Variants in ADAM7 observed in about 807,000 individuals in gnomAD.
ADAM7 encodes ADAM metallopeptidase domain 7.
A neutral mutation model predicts 102.9 loss-of-function variants in ADAM7; 97 were observed. The ratio of observed to expected loss-of-function variants is 0.94; its 90% CI spans 0.80 to 1.12. The LOEUF is 1.12. Among genes scored for constraint, ADAM7 ranks in the 50% most tolerant of loss-of-function variants. The pLI is 0.00. For missense variants in ADAM7, 991 were observed against 908.7 expected (o/e 1.09, Z -1.16); for synonymous variants, 334 against 304.4 (o/e 1.10, Z -1.01).
intron 6 of ADAM7, 83 bp downstream of exon 6, chr8:24,467,071 G>C (rs1031446910): frequency 2.3e-6 from 3 of 1,323,314 alleles, no homozygotes; most frequent in Non-Finnish European, 2.1e-6. Flanking sequence ...TATGAGTCCA[G>C]TTACTGAAAT....
At chr8:24,506,456 A>G (rs1253448847) in intron 20 of ADAM7, among the ~76,000 whole-genome samples, 1 of 152,090 alleles carries the variant, frequency 6.6e-6, no homozygotes, top group Non-Finnish European at 1.5e-5. Flanking sequence ...TTGCAAATTA[A>G]TTTTGATATT....
intron 2 of ADAM7, 48 bp downstream of exon 2, chr8:24,442,624 G>T (rs768282708): frequency 8.4e-6 from 12 of 1,433,330 alleles, no homozygotes; most frequent in Non-Finnish European, 1.2e-5. Context: ...TCACAGGCAT[G>T]TAGACAGTTG....
intron 16 of ADAM7, among the ~76,000 whole-genome samples, chr8:24,497,699 A>T (rs1239458044): frequency 6.6e-6 from 1 of 152,170 alleles, no homozygotes; most frequent in African/African-American, 2.4e-5. Context: ...TGAAGAATGT[A>T]TGAAAAAATT....
chr8:24,500,821 G>C lies in ADAM7; in HGVS notation c.2034G>C (p.Leu678=). The change falls in exon 19 of 22, where the codon CTG becomes CTC. Residue 678 remains leucine, a synonymous_variant. Coordinates refer to ENST00000175238, the MANE Select transcript of ADAM7 (RefSeq NM_003817.4). ...CCATCTTGGTTGTTGTGCTTGTCCT[G>C]GTTATTGTCGGTATCGGAGTTCTTA... is the stretch of plus-strand genomic sequence containing the variant. ...NITILVVVLV[L]VIVGIGVLIL... is the part of the protein sequence containing the mutation. 6.2e-7 allele frequency: 1 copy of C among 1,613,308 alleles called. No individual in the cohort carries two copies. Among genetic ancestry groups the C allele is most frequent in the Non-Finnish European group, 8.5e-7 (1 of 1,179,488 alleles).
intron 16 of ADAM7, among the ~76,000 whole-genome samples, chr8:24,495,658 T>C (rs558384951): frequency 1.1e-4 from 16 of 152,218 alleles, no homozygotes; most frequent in Admixed American, 2.6e-4. Flanking sequence ...ACTCTTGTTA[T>C]GTTTTAGCAA....
In ADAM7 at chr8:24,489,158, G is replaced by A. The variant is rs555837272; in HGVS notation, c.1092-1G>A. The A allele has an allele frequency of 1.2e-6, 2 of 1,606,616 alleles. No individual in the cohort carries two copies. Among genetic ancestry groups the A allele is most frequent in the African/African-American group, 2.7e-5 (2 of 74,744 alleles). ...TTATTTTTACCTCATTCTATCTCTAGCATTCCTGCACTGAAATTCAGTAAA... is the reference window on the plus strand; with the variant it reads ...TTATTTTTACCTCATTCTATCTCTAACATTCCTGCACTGAAATTCAGTAAA... On this transcript the variant is annotated splice_acceptor_variant, in intron 11 of 21. Transcript: ENST00000175238. LOFTEE classifies it high-confidence loss of function.
At chr8:24,506,333 A>C (rs1820950476) in intron 20 of ADAM7, among the ~76,000 whole-genome samples, 1 of 152,076 alleles carries the variant, frequency 6.6e-6, no homozygotes, top group African/African-American at 2.4e-5. Context: ...CCTACTTCTT[A>C]ACAGGGTGGG....
At chr8:24,442,605 T>A (rs374342640) in intron 2 of ADAM7, 29 bp downstream of exon 2, 2 of 1,564,934 alleles carry the variant, frequency 1.3e-6, no homozygotes, top group African/African-American at 2.7e-5. Flanking sequence ...TAAATAAGAT[T>A]TGTTGCTTTC....
chr8:24,456,082 T>C (rs1585863237), intron 3 of ADAM7, among the ~76,000 whole-genome samples: 1 of 152,170 alleles, frequency 6.6e-6, no homozygotes. Flanking sequence ...AACTTACTCA[T>C]CCCATGTAAC....
At chr8:24,508,133 C>T (rs1331982599) in intron 21 of ADAM7, among the ~76,000 whole-genome samples, 1 of 152,110 alleles carries the variant, frequency 6.6e-6, no homozygotes, top group Non-Finnish European at 1.5e-5. Context: ...TTACAGTGCA[C>T]TAGGCACTGG....
intron 3 of ADAM7, among the ~76,000 whole-genome samples, chr8:24,454,465 G>A (rs1352505467): frequency 5.3e-5 from 8 of 152,192 alleles, no homozygotes; most frequent in Non-Finnish European, 1.2e-4. Flanking sequence ...GCCAGGTGCG[G>A]GATATAATCT....
intron 7 of ADAM7, among the ~76,000 whole-genome samples, chr8:24,470,283 A>G (rs1411497584): frequency 6.6e-6 from 1 of 152,180 alleles, no homozygotes; most frequent in East Asian, 1.9e-4. Context: ...GGCAAGGATA[A>G]TATATTCGGA....
chr8:24,473,370 T>C lies in ADAM7; in HGVS notation c.634-3063T>C, dbSNP rs367565264. 7.9e-4 allele frequency among the ~76,000 whole-genome samples: 121 copies of C among 152,262 alleles called. 2 individuals are homozygous for C. In the East Asian group the frequency reaches 0.02, roughly 26 times the overall value. ...GGCTAGTCTAAGATGGCCTCAGTCA[T>C]TTGCCTGGTACGTGATATTGGGTTT... On this transcript the variant is annotated intron_variant, in intron 7 of 21. Coordinates refer to ENST00000175238, the MANE Select transcript of ADAM7 (RefSeq NM_003817.4).
chr8:24,467,731 T>C (rs1819476093), intron 6 of ADAM7: 1 of 152,252 alleles, frequency 6.6e-6, no homozygotes, highest in African/African-American at 2.4e-5. Flanking sequence ...CACTGAAAGC[T>C]GAATACTTAG....
intron 2 of ADAM7, among the ~76,000 whole-genome samples, 166 bp from the exon 3 acceptor site, chr8:24,447,020 T>G (rs1016481207): frequency 6.6e-6 from 1 of 151,840 alleles, no homozygotes; most frequent in African/African-American, 2.4e-5. Context: ...AAATCTTCCT[T>G]CTAATATTAG....
chr8:24,460,189 C>A (rs530351523), intron 3 of ADAM7, among the ~76,000 whole-genome samples: 2 of 151,998 alleles, frequency 1.3e-5, no homozygotes, highest in Admixed American at 1.3e-4. Flanking sequence ...AAATAAGATA[C>A]TATTCTTTTA....
At chr8:24,495,517 A>G (rs1458071193) in intron 16 of ADAM7, among the ~76,000 whole-genome samples, 1 of 152,226 alleles carries the variant, frequency 6.6e-6, no homozygotes, top group African/African-American at 2.4e-5. Context: ...ATATTCAGTG[A>G]ATGAGTTCAA....
chr8:24,492,978 T>C lies in ADAM7; in HGVS notation c.1656-65T>C, dbSNP rs1197887665. The C allele has an allele frequency of 4.1e-6, 6 of 1,465,186 alleles. No individual in the cohort carries two copies. The African/African-American group carries it at 8.7e-5, about 21-fold the overall frequency. 90.8% of individuals were successfully genotyped at this position (1,465,186 alleles called of 1,614,324 possible). A position where few individuals can be genotyped will look rare whatever the true frequency, so the allele number is the denominator to read the frequency against. Reference sequence around the variant, plus strand: ...GAAAAAGAGTGACCGGGAGGCTCCATTGCCAGCCTAGTCTCAAAAGTTGTA... The same window carrying C: ...GAAAAAGAGTGACCGGGAGGCTCCACTGCCAGCCTAGTCTCAAAAGTTGTA... On this transcript the variant is annotated intron_variant, in intron 15 of 21. Transcript: ENST00000175238.
chr8:24,456,459 A>G (rs192683416), intron 3 of ADAM7, among the ~76,000 whole-genome samples: 2 of 152,332 alleles, frequency 1.3e-5, no homozygotes, highest in South Asian at 2.1e-4. Flanking sequence ...TCTTTCCCAC[A>G]TAGTGATTCC....
Sources: allele counts gnomAD v4.1 joint callset (sites outside exome capture counted in the v4.1 genomes callset), GRCh38; gene constraint gnomAD v4.1.1; transcripts MANE v1.5; gene names NCBI Gene and HGNC (gene_info 2026-07-23, HGNC 2026-07-21).